Variants in EGFR observed in about 807,000 individuals in gnomAD.
The protein encoded by EGFR is avian erythroblastic leukemia viral (v-erb-b) oncogene homolog.
Under a neutral mutation model 143.0 loss-of-function variants are expected in EGFR, and 58 were observed. The observed-to-expected ratio is 0.41, with a 90% CI of 0.33 to 0.50. The LOEUF is 0.50. EGFR is among the 20% of genes least tolerant of loss of function. The pLI, the probability that EGFR is intolerant of heterozygous loss-of-function variation, is 0.39. For synonymous variants in EGFR, 613 were observed against 594.4 expected (o/e 1.03, Z -0.45); for missense variants, 1,307 against 1,579.0 (o/e 0.83, Z 2.92).
intron 13 of EGFR, among the ~76,000 whole-genome samples, chr7:55,162,401 A>G (rs1297159646): frequency 6.6e-6 from 1 of 152,238 alleles, no homozygotes; most frequent in African/African-American, 2.4e-5. Flanking sequence ...GGATCCAGAA[A>G]TATTTAGGAG....
Position 55,182,019 on chromosome 7 carries a change from C to T in EGFR, c.2469+541C>T, listed in dbSNP as rs17290461. 4.8e-3 allele frequency: 915 copies of T among 189,692 alleles called. 1 individual carries two copies. Among genetic ancestry groups the T allele is most frequent in the Non-Finnish European group, 7.5e-3 (676 of 90,554 alleles). The allele number at this position is 189,692 out of a possible 1,614,324, so 11.8% of individuals were successfully genotyped here. On this transcript the variant is annotated intron_variant, in intron 20 of 27. Transcript: ENST00000275493. ...CCACAGGCTCGCTCCAGAGCCAGGG[C>T]GGGGCTGAGAGAGCAGAGTGGTCAG... is the stretch of plus-strand genomic sequence containing the variant.
chr7:55,207,317 AAC>A lies in EGFR; in HGVS notation c.*1701_*1702del, dbSNP rs1476131676. 1 of 231,864 alleles carries A rather than the reference AAC, an allele frequency of 4.3e-6. No individual in the cohort carries two copies. Among genetic ancestry groups the A allele is most frequent in the East Asian group, 6.1e-5 (1 of 16,338 alleles). The allele number at this position is 231,864 out of a possible 1,614,324, so 14.4% of individuals were successfully genotyped here. The stretch of plus-strand genomic sequence containing the variant: ...TTGATTTTTGTCTCAATGAAAATAA[AAC>A]TATATTCATTTCCACTCTATTATGC... On this transcript the variant is annotated 3_prime_UTR_variant, in exon 28 of 28. Coordinates refer to ENST00000275493, the MANE Select transcript of EGFR (RefSeq NM_005228.5).
At chr7:55,203,175 C>G (rs1480068290) in intron 27 of EGFR, 1 of 236,204 alleles carries the variant, frequency 4.2e-6, no homozygotes, top group African/African-American at 2.3e-5. Flanking sequence ...ACATACCATA[C>G]ACAGACACAT....
At chr7:55,198,998 T>A in intron 23 of EGFR, 135 bp downstream of exon 23, 1 of 1,155,626 alleles carries the variant, frequency 8.7e-7, no homozygotes, top group Non-Finnish European at 1.3e-6. Context: ...TCCAGAAACA[T>A]CTGTAAATAC....
intron 1 of EGFR, among the ~76,000 whole-genome samples, chr7:55,042,824 C>T (rs1316660368): frequency 6.6e-6 from 1 of 152,126 alleles, no homozygotes; most frequent in Non-Finnish European, 1.5e-5. Context: ...ACAAATGATG[C>T]TTTCTCAGTT....
At chr7:55,203,474 C>T (rs1026279628) in intron 27 of EGFR, among the ~76,000 whole-genome samples, 2 of 146,090 alleles carry the variant, frequency 1.4e-5, no homozygotes, top group Admixed American at 1.4e-4. Context: ...TACACACACA[C>T]CACACATACA....
At chr7:55,146,215 G>C (rs1223901560) in intron 3 of EGFR, among the ~76,000 whole-genome samples, 2 of 152,084 alleles carry the variant, frequency 1.3e-5, no homozygotes, top group African/African-American at 4.8e-5. Context: ...CAGGGCTGTA[G>C]CACTCAGGAA....
intron 21 of EGFR, among the ~76,000 whole-genome samples, chr7:55,192,366 C>T (rs532117059): frequency 6.6e-5 from 10 of 152,236 alleles, no homozygotes; most frequent in African/African-American, 1.2e-4. Flanking sequence ...CTAAGGGGTG[C>T]GCGTCCCCTG....
At chr7:55,171,118 A>G (rs1786329082) in intron 15 of EGFR, 57 bp from the exon 16 acceptor site, 1 of 1,611,468 alleles carries the variant, frequency 6.2e-7, no homozygotes, top group South Asian at 1.1e-5. Flanking sequence ...AATCTCCAAA[A>G]TATATGCCAA....
intron 20 of EGFR, among the ~76,000 whole-genome samples, chr7:55,186,467 G>A (rs1441015812): frequency 1.3e-5 from 2 of 152,204 alleles, no homozygotes; most frequent in Non-Finnish European, 2.9e-5. Context: ...TCTGCACTGG[G>A]CCAGAGAGGA....
At chr7:55,105,638 T>A (rs1350659649) in intron 1 of EGFR, among the ~76,000 whole-genome samples, 1 of 152,164 alleles carries the variant, frequency 6.6e-6, no homozygotes, top group Non-Finnish European at 1.5e-5. Context: ...GGAGCTTTAG[T>A]GCAAATTGAG....
At chr7:55,186,629 A>G (rs2075108) in intron 20 of EGFR, among the ~76,000 whole-genome samples, 14,958 of 152,272 alleles carry the variant, frequency 0.098, 1,163 homozygotes, top group East Asian at 0.36. Flanking sequence ...ACTTTAGTAT[A>G]TCACTAAAAA....
In EGFR at chr7:55,027,991, A is replaced by AAT. The variant is rs374300539; in HGVS notation, c.88+8660_88+8661dup. 6.9e-3 allele frequency among the ~76,000 whole-genome samples: 380 copies of AAT among 54,870 alleles called. 2 individuals are homozygous for AAT. Among genetic ancestry groups the AAT allele is most frequent in the Middle Eastern group, 0.013 (1 of 80 alleles). 36.0% of individuals were successfully genotyped at this position (54,870 alleles called of 152,430 possible). On this transcript the variant is annotated intron_variant, in intron 1 of 27. Coordinates refer to ENST00000275493, the MANE Select transcript of EGFR (RefSeq NM_005228.5). ...GCCTTTATGTAAAAAAAAAAAAAAAAATATATATATATATATATATATATA... is the reference window on the plus strand; with the variant it reads ...GCCTTTATGTAAAAAAAAAAAAAAAAATATATATATATATATATATATATATA...
At chr7:55,090,658 G>A (rs746111375) in intron 1 of EGFR, among the ~76,000 whole-genome samples, 2 of 152,180 alleles carry the variant, frequency 1.3e-5, no homozygotes, top group Non-Finnish European at 2.9e-5. Context: ...GAAAATCAGA[G>A]CTCAGACATA....
intron 19 of EGFR, among the ~76,000 whole-genome samples, chr7:55,175,938 A>C (rs1437046225): frequency 3.9e-5 from 6 of 152,244 alleles, no homozygotes; most frequent in Admixed American, 2.6e-4. Flanking sequence ...AATTGATATA[A>C]TACAATAAAA....
At chr7:55,141,369 G>A (rs1794447956) in intron 1 of EGFR, among the ~76,000 whole-genome samples, 2 of 151,992 alleles carry the variant, frequency 1.3e-5, no homozygotes. Context: ...CATTTCTATG[G>A]TCCAACTTTG....
chr7:55,049,892 C>A (rs909292723), intron 1 of EGFR, among the ~76,000 whole-genome samples: 1 of 152,078 alleles, frequency 6.6e-6, no homozygotes, highest in Admixed American at 6.5e-5. Flanking sequence ...CACTCATGAC[C>A]TCACATCTGT....
chr7:55,128,853 C>T (rs1405277428), intron 1 of EGFR, among the ~76,000 whole-genome samples: 1 of 152,190 alleles, frequency 6.6e-6, no homozygotes, highest in African/African-American at 2.4e-5. Flanking sequence ...GAGCAATTTA[C>T]CGTCAGGCCT....
Position 55,207,107 on chromosome 7 carries a change from G to A in EGFR, c.*1490G>A, listed in dbSNP as rs1368691926. 6.0e-5 allele frequency: 14 copies of A among 232,762 alleles called. No individual in the cohort carries two copies. The East Asian group carries it at 8.5e-4, about 14-fold the overall frequency. The allele number at this position is 232,762 out of a possible 1,614,324, so 14.4% of individuals were successfully genotyped here. Reference sequence around the variant, plus strand: ...GGTTAACAGCAGTCCTTTGTAAACAGTGTTTTAAACTCTCCTAGTCAATAT... The same window carrying A: ...GGTTAACAGCAGTCCTTTGTAAACAATGTTTTAAACTCTCCTAGTCAATAT... On this transcript the variant is annotated 3_prime_UTR_variant, in exon 28 of 28. Transcript: ENST00000275493.
Sources: allele counts gnomAD v4.1 joint callset (sites outside exome capture counted in the v4.1 genomes callset), GRCh38; gene constraint gnomAD v4.1.1; transcripts MANE v1.5; gene names NCBI Gene and HGNC (gene_info 2026-07-23, HGNC 2026-07-21).